SVIL: variants seen among roughly 807,000 people sequenced by gnomAD.
SVIL encodes the protein supervillin, also known as archvillin.
Under a neutral mutation model 240.4 loss-of-function variants are expected in SVIL, and 101 were observed. That is an observed-to-expected ratio of 0.42 (90% CI 0.36 to 0.50). The LOEUF (loss-of-function observed/expected upper bound fraction) is 0.50. Ranked by LOEUF, SVIL falls within the 20% of genes least tolerant of loss-of-function variation. SVIL has a pLI of 0.01. For missense variants in SVIL, 2,512 were observed against 2,818.7 expected (o/e 0.89, Z 2.46); for synonymous variants, 999 against 1,100.0 (o/e 0.91, Z 1.82).
rs147112390 is a variant in SVIL at position 29,520,482 on chromosome 10, A to T, written c.3389+1928T>A. On this transcript the variant is annotated intron_variant, in intron 16 of 37. Coordinates refer to ENST00000355867, the MANE Select transcript of SVIL (RefSeq NM_021738.3). ...CCTTCCCTATGCCCCTCAGCCTGCC[A>T]GGTCTAACTTATCATGAATTTTAAG... 5.2e-3 allele frequency among the ~76,000 whole-genome samples: 790 copies of T among 152,300 alleles called. 8 individuals carry two copies. Among genetic ancestry groups the T allele is most frequent in the African/African-American group, 0.018 (757 of 41,560 alleles).
intron 3 of SVIL, among the ~76,000 whole-genome samples, chr10:29,641,496 A>C (rs1264050144): frequency 6.6e-6 from 1 of 152,126 alleles, no homozygotes; most frequent in Non-Finnish European, 1.5e-5. Flanking sequence ...TGAACCCAGG[A>C]AGCAGAGGTT....
intron 2 of SVIL, among the ~76,000 whole-genome samples, chr10:29,680,115 G>A (rs890739585): frequency 3.9e-5 from 6 of 152,182 alleles, no homozygotes; most frequent in Admixed American, 3.3e-4. Flanking sequence ...AGTCCAAGGG[G>A]TTGAGGCTGC....
intron 1 of SVIL, among the ~76,000 whole-genome samples, chr10:29,706,893 G>A (rs1334010290): frequency 1.3e-5 from 2 of 152,124 alleles, no homozygotes; most frequent in Non-Finnish European, 2.9e-5. Flanking sequence ...TAACAAATAG[G>A]GAATCCTTCC....
intron 1 of SVIL, among the ~76,000 whole-genome samples, chr10:29,596,134 A>C (rs1276834204): frequency 6.6e-6 from 1 of 152,190 alleles, no homozygotes; most frequent in African/African-American, 2.4e-5. Context: ...AGCTGTGTCT[A>C]GTGGGCTCTG....
intron 29 of SVIL, among the ~76,000 whole-genome samples, chr10:29,475,742 C>T (rs898740836): frequency 8.5e-5 from 13 of 152,224 alleles, no homozygotes; most frequent in African/African-American, 2.9e-4. Flanking sequence ...AGGGTCAACA[C>T]GGGAGGCTGC....
rs1589083258 is a variant in SVIL, at chr10:29,518,369, C to T, written c.3389+4041G>A. Among the ~76,000 whole-genome samples the T allele has an allele frequency of 2.0e-5, 3 of 152,144 alleles. No individual in the cohort carries two copies. In the South Asian group the frequency reaches 6.2e-4, roughly 32 times the overall value. ...TGTCACTGCACTCCAGCGTGGGCTA[C>T]AGAGTGAGACTCTTGTCTCAGAAAA... On this transcript the variant is annotated intron_variant, in intron 16 of 37. Coordinates refer to ENST00000355867, the MANE Select transcript of SVIL (RefSeq NM_021738.3).
intron 6 of SVIL, among the ~76,000 whole-genome samples, chr10:29,545,977 T>C (rs1353040613): frequency 6.6e-6 from 1 of 151,940 alleles, no homozygotes; most frequent in East Asian, 1.9e-4. Flanking sequence ...GATGGCCGGA[T>C]GCTCAGCAAA....
rs768207339 is a variant in SVIL at position 29,484,620 on chromosome 10, G to A, written c.4955+36C>T. 2.7e-5 allele frequency: 42 copies of A among 1,584,754 alleles called. No individual in the cohort carries two copies. The highest frequency in any genetic ancestry group is 1.3e-4 in the African/African-American group (10 of 74,230). On this transcript the variant is annotated intron_variant, in intron 27 of 37. Transcript: ENST00000355867. The surrounding 1 kb of genome is among the most constrained non-coding windows in gnomAD (Gnocchi z 4.7). ...CAGAGGGATCGAAGGGAATCAGCTC[G>A]CTTGAAGAGCTGTCCCCGGGCGGCG...
upstream of SVIL, among the ~76,000 whole-genome samples, chr10:29,639,630 G>C (rs1169519126): frequency 6.6e-6 from 1 of 151,730 alleles, no homozygotes; most frequent in Middle Eastern, 3.2e-3. Context: ...CACCACATCT[G>C]GCTAATTTTT....
intron 2 of SVIL, among the ~76,000 whole-genome samples, chr10:29,672,957 AG>A (rs1368423574): frequency 6.6e-6 from 1 of 152,122 alleles, no homozygotes; most frequent in African/African-American, 2.4e-5. Flanking sequence ...TCTGTTGCCC[AG>A]GCTGGAGTGC....
intron 6 of SVIL, among the ~76,000 whole-genome samples, chr10:29,550,121 A>G (rs1953147626): frequency 6.6e-6 from 1 of 151,806 alleles, no homozygotes; most frequent in African/African-American, 2.4e-5. Flanking sequence ...CTTTGGTAGA[A>G]CCTGTTTTGA....
chr10:29,518,237 A>C (rs1950340828), intron 16 of SVIL, among the ~76,000 whole-genome samples: 1 of 152,114 alleles, frequency 6.6e-6, no homozygotes, highest in Non-Finnish European at 1.5e-5. Context: ...AAAATACAAA[A>C]ATTAGCCAGG....
chr10:29,509,378 AG>A (rs1380281874), intron 17 of SVIL, among the ~76,000 whole-genome samples: 14 of 144,770 alleles, frequency 9.7e-5, no homozygotes, highest in African/African-American at 2.7e-5. Context: ...AGAGAGAGAG[AG>A]AATACCCAAA....
rs148999063 is a variant in SVIL at position 29,499,738 on chromosome 10, G to A, written c.3517-475C>T. ...ACTTGCCCAGTTAGAGACAGGGAAG[G>A]CTGGTTAGGAATAAGGGGCAGGAGA... is the stretch of plus-strand genomic sequence containing the variant. On this transcript the variant is annotated intron_variant, in intron 17 of 37. Transcript: ENST00000355867. Among the ~76,000 whole-genome samples the A allele has an allele frequency of 3.7e-3, 569 of 152,298 alleles. 4 individuals are homozygous for A. Among genetic ancestry groups the A allele is most frequent in the African/African-American group, 0.013 (543 of 41,562 alleles).
intron 3 of SVIL, among the ~76,000 whole-genome samples, chr10:29,648,388 T>A (rs980782926): frequency 6.6e-6 from 1 of 152,104 alleles, no homozygotes; most frequent in Admixed American, 6.5e-5. Flanking sequence ...GAAACAAAAG[T>A]TATTTGCACA....
chr10:29,507,784 C>G (rs1949490477), intron 17 of SVIL: 1 of 985,152 alleles, frequency 1.0e-6, no homozygotes. Flanking sequence ...GCAGGAATAG[C>G]AGGAGAATAA....
chr10:29,487,180 C>T lies in SVIL; in HGVS notation c.4468G>A (p.Val1490Ile), dbSNP rs148716000. 2.7e-5 allele frequency: 44 copies of T among 1,613,886 alleles called. No individual in the cohort carries two copies. The African/African-American group carries it at 2.8e-4, about 10-fold the overall frequency. ...GTACCAACCTTCGCCTTTTCTATGA[C>T]GTTTGCAAACTCTCCTACCCACAGG... ...CFLWVGEFAN[V>I]IEKAKASELA... The change falls in exon 24 of 38, where the codon GTC becomes ATC. Residue 1490 changes from valine (V) to isoleucine (I), a missense_variant. By Grantham distance (29) the Val-to-Ile change is conservative. Around this residue, in one of 3 missense-constraint regions of SVIL, gnomAD observed 272 missense variants for 406.8 expected, o/e 0.67. Coordinates refer to ENST00000355867, the MANE Select transcript of SVIL (RefSeq NM_021738.3).
rs1158993399 is a variant in SVIL at position 29,523,857 on chromosome 10, G to A, written c.2757C>T (p.Asp919=). The A allele has an allele frequency of 1.9e-6, 3 of 1,614,202 alleles. No homozygotes were observed. The highest frequency in any genetic ancestry group is 2.5e-6 in the Non-Finnish European group (3 of 1,180,050). Residue 919 remains aspartate, a synonymous_variant, in exon 15 of 38, where the codon GAC becomes GAT. Coordinates refer to ENST00000355867, the MANE Select transcript of SVIL (RefSeq NM_021738.3). The stretch of plus-strand genomic sequence containing the variant: ...ATTTCAGAATGCTTCTAACTGGAGA[G>A]TCCGAATTTTCTATTGAAGAAGAAA... ...YKFSSSIENS[D]SPVRSILKSQ...
At chr10:29,628,622 A>G (rs891479229) in intron 1 of SVIL, among the ~76,000 whole-genome samples, 1 of 152,194 alleles carries the variant, frequency 6.6e-6, no homozygotes, top group Non-Finnish European at 1.5e-5. Context: ...CTTCGCCCAG[A>G]ACCGAATTGT....
Sources: gnomAD v4.1 joint callset for allele counts (sites outside exome capture counted in the v4.1 genomes callset) on GRCh38, gnomAD v4.1.1 for gene constraint, gnomAD v4.1.1 regional missense constraint, Gnocchi (gnomAD v3.1) non-coding constraint, MANE v1.5 for transcripts, NCBI Gene and HGNC (gene_info 2026-07-23, HGNC 2026-07-21) for gene names.